CEP70: variants seen among roughly 807,000 people sequenced by gnomAD.
The protein encoded by CEP70 is centrosomal protein of 70 kDa.
Under a neutral mutation model 90.9 loss-of-function variants are expected in CEP70, and 70 were observed. That is an observed-to-expected ratio of 0.77 (90% CI 0.64 to 0.94). The LOEUF (loss-of-function observed/expected upper bound fraction) is 0.94. Among genes scored for constraint, CEP70 ranks in the 40% least tolerant of loss-of-function variants. CEP70 has a pLI of 0.00. For synonymous variants in CEP70, 220 were observed against 228.3 expected (o/e 0.96, Z 0.33); for missense variants, 648 against 669.0 (o/e 0.97, Z 0.35).
At chr3:138,533,614 G>T (rs2107786018) in intron 7 of CEP70, among the ~76,000 whole-genome samples, 1 of 152,060 alleles carries the variant, frequency 6.6e-6, no homozygotes, top group East Asian at 1.9e-4. Flanking sequence ...AAGAAGAACT[G>T]TCTCACTCAA....
chr3:138,505,329 A>G lies in CEP70; in HGVS notation c.1187T>C (p.Ile396Thr), dbSNP rs555986430. ...TGTCAGTTGATCTGCCCACATTTCTATTACAGGAACAAGATGCTCAAATCC... is the reference window on the plus strand; with the variant it reads ...TGTCAGTTGATCTGCCCACATTTCTGTTACAGGAACAAGATGCTCAAATCC... Reference protein sequence around the residue: ...DCGFEHLVPVIEMWADQLTSL... With the variant: ...DCGFEHLVPVTEMWADQLTSL... Residue 396 changes from isoleucine (I) to threonine (T), a missense_variant, in exon 13 of 18, where the codon ATA becomes ACA. By Grantham distance (89) the Ile-to-Thr change is moderately conservative (BLOSUM62 -1). Transcript: ENST00000264982. The G allele has an allele frequency of 1.2e-6, 2 of 1,611,900 alleles. No individual in the cohort carries two copies. The highest frequency in any genetic ancestry group is 1.7e-5 in the Admixed American group (1 of 59,804).
At chr3:138,520,211 T>C (rs923068931) in intron 11 of CEP70, among the ~76,000 whole-genome samples, 1 of 152,144 alleles carries the variant, frequency 6.6e-6, no homozygotes, top group Non-Finnish European at 1.5e-5. Flanking sequence ...CAAAGAGACT[T>C]AGACTCCCAC....
intron 7 of CEP70, among the ~76,000 whole-genome samples, chr3:138,533,454 A>G (rs933096357): frequency 6.6e-6 from 1 of 152,236 alleles, no homozygotes; most frequent in African/African-American, 2.4e-5. Context: ...GTGAATATGT[A>G]TATATACTGA....
At chr3:138,572,694 A>G (rs945782095) in intron 3 of CEP70, among the ~76,000 whole-genome samples, 165 bp downstream of exon 3, 1 of 152,234 alleles carries the variant, frequency 6.6e-6, no homozygotes, top group Non-Finnish European at 1.5e-5. Context: ...GGAGACTAAT[A>G]TTGTGAAGTC....
At chr3:138,518,131 T>C (rs544276476) in intron 11 of CEP70, among the ~76,000 whole-genome samples, 1 of 152,120 alleles carries the variant, frequency 6.6e-6, no homozygotes, top group Non-Finnish European at 1.5e-5. Flanking sequence ...AGCGAGGCTG[T>C]GGGAGGGGCG....
chr3:138,521,307 C>G (rs1463517298), intron 11 of CEP70, among the ~76,000 whole-genome samples: 6 of 151,530 alleles, frequency 4.0e-5, no homozygotes, highest in African/African-American at 9.7e-5. Flanking sequence ...CCCAGCCGCC[C>G]AGTCTGGGAA....
At chr3:138,534,541 T>A (rs2038101971) in intron 7 of CEP70, among the ~76,000 whole-genome samples, 1 of 152,232 alleles carries the variant, frequency 6.6e-6, no homozygotes, top group Non-Finnish European at 1.5e-5. Flanking sequence ...ACATGTTAAG[T>A]ACTGGGAATT....
At chr3:138,572,075 C>G (rs2041216245) in intron 3 of CEP70, among the ~76,000 whole-genome samples, 1 of 151,924 alleles carries the variant, frequency 6.6e-6, no homozygotes, top group African/African-American at 2.4e-5. Flanking sequence ...ACCGCCCCAG[C>G]CCCTAAGTAT....
At chr3:138,527,466 G>A (rs191416877) in intron 10 of CEP70, among the ~76,000 whole-genome samples, 7 of 151,850 alleles carry the variant, frequency 4.6e-5, no homozygotes, top group East Asian at 3.9e-4. Flanking sequence ...AGGCCGAGGC[G>A]GGCGGATCAC....
chr3:138,584,469 A>G, intron 2 of CEP70, among the ~76,000 whole-genome samples: 1 of 148,194 alleles, frequency 6.7e-6, no homozygotes, highest in Non-Finnish European at 1.5e-5. Flanking sequence ...ATCAAAAAAA[A>G]AAAAAAAAAA....
At chr3:138,561,096 G>T (rs574994137) in intron 6 of CEP70, among the ~76,000 whole-genome samples, 18 of 152,214 alleles carry the variant, frequency 1.2e-4, no homozygotes, top group African/African-American at 3.6e-4. Context: ...TCCTGATTGG[G>T]AGACACCTCC....
intron 7 of CEP70, among the ~76,000 whole-genome samples, chr3:138,535,506 C>T (rs2038188824): frequency 6.6e-6 from 1 of 152,134 alleles, no homozygotes; most frequent in Admixed American, 6.6e-5. Flanking sequence ...TCTGTGTGTG[C>T]CCTATTACTT....
chr3:138,521,921 C>T (rs1386947508), intron 11 of CEP70, among the ~76,000 whole-genome samples: 1 of 152,176 alleles, frequency 6.6e-6, no homozygotes, highest in East Asian at 1.9e-4. Context: ...ATAGGAGACT[C>T]CATTTTGTTC....
intron 6 of CEP70, among the ~76,000 whole-genome samples, chr3:138,570,100 A>G (rs2041060557): frequency 6.6e-6 from 1 of 152,120 alleles, no homozygotes; most frequent in African/African-American, 2.4e-5. Context: ...GGTTAGGGAG[A>G]TGAGAAAAAA....
chr3:138,520,760 C>T (rs1444022370), intron 11 of CEP70, among the ~76,000 whole-genome samples: 2 of 152,162 alleles, frequency 1.3e-5, no homozygotes, highest in Non-Finnish European at 2.9e-5. Context: ...ACCTTAACAT[C>T]ACAATTAAAA....
chr3:138,571,380 A>AG (rs758040364), intron 3 of CEP70, 24 bp from the exon 4 acceptor site: 266 of 1,467,076 alleles, frequency 1.8e-4, no homozygotes, highest in Non-Finnish European at 4.9e-5. Context: ...AAGAGAAGAA[A>AG]GGGTTAACTT....
chr3:138,593,703 A>T (rs1225645510), intron 1 of CEP70: 1 of 152,090 alleles, frequency 6.6e-6, no homozygotes, highest in African/African-American at 2.4e-5. Context: ...AGAAAGAGAT[A>T]CTCACCTGTG....
At chr3:138,547,336 T>C (rs116497810) in intron 6 of CEP70, among the ~76,000 whole-genome samples, 3,023 of 152,330 alleles carry the variant, frequency 0.02, 39 homozygotes, top group Non-Finnish European at 0.029. Flanking sequence ...CTGAACCCAA[T>C]TGCCATCAAT....
intron 2 of CEP70, 172 bp from the exon 3 acceptor site, chr3:138,573,104 T>C: frequency 1.7e-6 from 1 of 590,280 alleles, no homozygotes; most frequent in South Asian, 2.1e-5. Context: ...ACTTCTTAGA[T>C]AGCTGATTGT....
Sources: allele counts gnomAD v4.1 joint callset (sites outside exome capture counted in the v4.1 genomes callset), GRCh38; gene constraint gnomAD v4.1.1; transcripts MANE v1.5; gene names NCBI Gene and HGNC (gene_info 2026-07-23, HGNC 2026-07-21).